The following CLCN1 variants were observed in gnomAD, a reference collection of about 807,000 sequenced individuals.
The protein encoded by CLCN1 is chloride voltage-gated channel 1.
Under a neutral mutation model 114.5 loss-of-function variants are expected in CLCN1, and 100 were observed. That is an observed-to-expected ratio of 0.87 (90% CI 0.74 to 1.03). The LOEUF is 1.03. Among genes scored for constraint, CLCN1 ranks in the 50% least tolerant of loss-of-function variants. The pLI is 0.00. For synonymous variants in CLCN1, 485 were observed against 487.1 expected, an observed-to-expected ratio of 1.00 and a Z score of 0.06; for missense variants, 1,188 against 1,250.0, an observed-to-expected ratio of 0.95 and a Z score of 0.75.
intron 16 of CLCN1, 115 bp from the exon 17 acceptor site, chr7:143,345,406 G>A (rs1198124425): frequency 6.1e-6 from 8 of 1,302,336 alleles, no homozygotes; most frequent in Non-Finnish European, 8.2e-6. Context: ...AGCTGAGAAA[G>A]ATGTGGGGAC....
chr7:143,340,290 A>G (rs1355905295), intron 14 of CLCN1, among the ~76,000 whole-genome samples: 1 of 152,136 alleles, frequency 6.6e-6, no homozygotes, highest in Non-Finnish European at 1.5e-5. Flanking sequence ...GTTTCTTTCT[A>G]AAAGCCTCTT....
At chr7:143,335,328 T>A (rs1487207050) in intron 12 of CLCN1, among the ~76,000 whole-genome samples, 1 of 152,200 alleles carries the variant, frequency 6.6e-6, no homozygotes, top group Non-Finnish European at 1.5e-5. Flanking sequence ...CATCATACTG[T>A]ATCAGGAAAA....
rs1270268823 is a variant in CLCN1 at position 143,324,653 on chromosome 7, A to G, written c.853+161A>G. Among the ~76,000 whole-genome samples, 5 of 152,238 alleles carry G rather than the reference A, an allele frequency of 3.3e-5. No individual in the cohort carries two copies. Among genetic ancestry groups the G allele is most frequent in the South Asian group, 4.1e-4 (2 of 4,838 alleles). ...GTGCCAGGCAATGTTTAAAGCACTT[A>G]CTTTTATTCCTGGCCAAAGCCATAT... On this transcript the variant is annotated intron_variant, in intron 7 of 22. Transcript: ENST00000343257. This position sits in a 1 kb window ranked among gnomAD's most constrained non-coding sequence, Gnocchi z 4.6.
Position 143,346,939 on chromosome 7 carries a change from C to T in CLCN1, c.2393C>T (p.Ser798Leu). ...TCCACAGATTTAGTGGATAACATGT[C>T]ACCTGAAGAGGTGAGTAAGGGAAAT... is the stretch of plus-strand genomic sequence containing the variant. ...QDSTDLVDNM[S>L]PEEIEAWEQE... Residue 798 changes from serine (S) to leucine (L), a missense_variant, in exon 20 of 23, where the codon TCA becomes TTA. Coordinates refer to ENST00000343257, the MANE Select transcript of CLCN1 (RefSeq NM_000083.3). The T allele has an allele frequency of 6.2e-7, 1 of 1,613,574 alleles. No individual in the cohort carries two copies. The highest frequency in any genetic ancestry group is 1.1e-5 in the South Asian group (1 of 91,068).
chr7:143,349,082 G>A (rs747419862), intron 20 of CLCN1, among the ~76,000 whole-genome samples: 1 of 152,202 alleles, frequency 6.6e-6, no homozygotes, highest in Non-Finnish European at 1.5e-5. Flanking sequence ...CACTGAAAAT[G>A]TTGCCGCGTT....
rs147811591 is a variant in CLCN1 at position 143,349,280 on chromosome 7, G to A, written c.2404-1092G>A. On this transcript the variant is annotated intron_variant, in intron 20 of 22. Transcript: ENST00000343257. The stretch of plus-strand genomic sequence containing the variant: ...TGTAACCTCTGTAATCCATTAGTCC[G>A]GAAGATGAGAGTATAGAGGAGTCAT... Among the ~76,000 whole-genome samples the A allele has an allele frequency of 3.8e-3, 581 of 152,250 alleles. 3 individuals are homozygous for A. The highest frequency in any genetic ancestry group is 0.013 in the African/African-American group (541 of 41,536).
Position 143,350,576 on chromosome 7 carries a change from C to T in CLCN1, c.2517C>T (p.Thr839=). 6.2e-7 allele frequency: 1 copy of T among 1,614,080 alleles called. No individual in the cohort carries two copies. The highest frequency in any genetic ancestry group is 8.5e-7 in the Non-Finnish European group (1 of 1,179,976). ...VEQTTLHKTH[T]LFSLLGLHLA... is the part of the protein sequence containing the mutation. ...GTGCTCTTCATCCTCAGACTCATACCCTGTTTTCACTCCTTGGCCTCCACC... is the reference window on the plus strand; with the variant it reads ...GTGCTCTTCATCCTCAGACTCATACTCTGTTTTCACTCCTTGGCCTCCACC... The change falls in exon 22 of 23, where the codon ACC becomes ACT. Residue 839 remains threonine, a synonymous_variant. Transcript: ENST00000343257. The surrounding 1 kb of genome is among the most constrained non-coding windows in gnomAD (Gnocchi z 5.1).
At position 143,332,404 on chromosome 7, in the gene CLCN1, C is replaced by T. The variant is rs747964888; in HGVS notation, c.1167-15C>T. 8.1e-6 allele frequency: 13 copies of T among 1,607,634 alleles called. No homozygotes were observed. The Admixed American group carries it at 2.0e-4, about 25-fold the overall frequency. On this transcript the variant is annotated splice_polypyrimidine_tract_variant and intron_variant, in intron 10 of 22. Transcript: ENST00000343257. ...GTTGGCTGAATTGTGGCGGTTAACT[C>T]TGTTTCTTTTTCAGCCGCCTGCTGT...
rs139196292 is a variant in CLCN1 at position 143,334,698 on chromosome 7, C to T, written c.1401+1825C>T. On this transcript the variant is annotated intron_variant, in intron 12 of 22. Coordinates refer to ENST00000343257, the MANE Select transcript of CLCN1 (RefSeq NM_000083.3). The stretch of plus-strand genomic sequence containing the variant: ...CAGATTTCAACTCTGTAACATATTC[C>T]CAGGGTGTCTAGAAACTGTATTTGC... 2.9e-3 allele frequency among the ~76,000 whole-genome samples: 445 copies of T among 152,242 alleles called. 2 individuals are homozygous for T. Among genetic ancestry groups the T allele is most frequent in the Middle Eastern group, 0.01 (3 of 294 alleles).
chr7:143,333,573 T>C (rs1802788124), intron 12 of CLCN1, among the ~76,000 whole-genome samples: 1 of 152,234 alleles, frequency 6.6e-6, no homozygotes, highest in Non-Finnish European at 1.5e-5. Context: ...TCCATGTATC[T>C]GATGATCCAT....
intron 7 of CLCN1, among the ~76,000 whole-genome samples, chr7:143,325,583 CAT>C (rs1215370500): frequency 1.3e-5 from 2 of 152,206 alleles, no homozygotes; most frequent in Non-Finnish European, 2.9e-5. Flanking sequence ...GATTTTTGCA[CAT>C]GTTAAACGTT....
At chr7:143,332,118 C>T (rs977532944) in intron 10 of CLCN1, among the ~76,000 whole-genome samples, 4 of 152,096 alleles carry the variant, frequency 2.6e-5, no homozygotes, top group Admixed American at 2.0e-4. Flanking sequence ...CATGCACCAC[C>T]GTGCCTGGCT....
At position 143,330,803 on chromosome 7, in the gene CLCN1, C is replaced by T; in HGVS notation, c.885C>T (p.Thr295=). 1.2e-6 allele frequency: 2 copies of T among 1,614,218 alleles called. No homozygotes were observed. The highest frequency in any genetic ancestry group is 8.5e-7 in the Non-Finnish European group (1 of 1,180,046). ...GVLFSIEVTS[T]YFAVRNYWRG... Reference sequence around the variant, plus strand: ...TATTTAGCATCGAGGTCACCTCCACCTACTTTGCTGTTCGGAACTACTGGA... The same window carrying T: ...TATTTAGCATCGAGGTCACCTCCACTTACTTTGCTGTTCGGAACTACTGGA... The change falls in exon 8 of 23, where the codon ACC becomes ACT. Residue 295 remains threonine, a synonymous_variant. Transcript: ENST00000343257.
At chr7:143,348,577 T>C (rs1011783027) in intron 20 of CLCN1, among the ~76,000 whole-genome samples, 3 of 151,640 alleles carry the variant, frequency 2.0e-5, no homozygotes. Flanking sequence ...CTAACAGGAG[T>C]TGAAATTCAG....
intron 12 of CLCN1, among the ~76,000 whole-genome samples, chr7:143,337,349 C>T (rs1802932650): frequency 6.6e-6 from 1 of 152,200 alleles, no homozygotes; most frequent in Admixed American, 6.5e-5. Context: ...AGTCTCTATT[C>T]TCTTCATTTT....
At chr7:143,342,655 C>T in intron 16 of CLCN1, 150 bp downstream of exon 16, 1 of 787,410 alleles carries the variant, frequency 1.3e-6, no homozygotes. Context: ...ATAACACAAG[C>T]ACACAAAGAC....
chr7:143,342,149 G>C lies in CLCN1; in HGVS notation c.1796+7G>C. 2 of 1,612,732 alleles carry C rather than the reference G, an allele frequency of 1.2e-6. No individual in the cohort carries two copies. On this transcript the variant is annotated splice_region_variant and intron_variant, in intron 15 of 22. Coordinates refer to ENST00000343257, the MANE Select transcript of CLCN1 (RefSeq NM_000083.3). ...TTGGCTGGAACCAGCTCAGGTCAGG[G>C]GCACTAGACGGAATTAGTTCAGATC...
chr7:143,316,506 C>T (rs919467905), intron 1 of CLCN1, 114 bp downstream of exon 1: 57 of 1,002,008 alleles, frequency 5.7e-5, no homozygotes, highest in Middle Eastern at 2.1e-4. Flanking sequence ...ATTTTTTTAA[C>T]TTAAAAAACA....
At chr7:143,334,280 A>G (rs1031386037) in intron 12 of CLCN1, among the ~76,000 whole-genome samples, 14 of 151,862 alleles carry the variant, frequency 9.2e-5, no homozygotes, top group African/African-American at 3.1e-4. Context: ...TACTAATAGT[A>G]TGTCTTGCCT....
Sources: gnomAD v4.1 joint callset for allele counts (sites outside exome capture counted in the v4.1 genomes callset) on GRCh38, gnomAD v4.1.1 for gene constraint, Gnocchi (gnomAD v3.1) non-coding constraint, MANE v1.5 for transcripts, NCBI Gene and HGNC (gene_info 2026-07-23, HGNC 2026-07-21) for gene names.